The following KCND2 variants were observed in gnomAD, a reference collection of about 807,000 sequenced individuals.
The protein encoded by KCND2 is potassium voltage-gated channel subfamily D member 2.
In KCND2, 16 loss-of-function variants were observed where a neutral mutation model predicts 54.4. The ratio of observed to expected loss-of-function variants is 0.29; its 90% CI spans 0.20 to 0.45. The LOEUF (loss-of-function observed/expected upper bound fraction) is 0.45. KCND2 is among the 20% of genes least tolerant of loss of function. The pLI, the probability that KCND2 is intolerant of heterozygous loss-of-function variation, is 1.00. For missense variants in KCND2, 486 were observed against 824.2 expected (o/e 0.59, Z 5.02); for synonymous variants, 317 against 310.7 (o/e 1.02, Z -0.21).
rs528360744 is a variant in KCND2 at position 120,314,608 on chromosome 7, T to C, written c.1115+38861T>C. ...CAGACTTTAGAGGCTTAACTGGTCA[T>C]TCATACAGCTAATATATGTCAGGGC... On this transcript the variant is annotated intron_variant, in intron 1 of 5. Coordinates refer to ENST00000331113, the MANE Select transcript of KCND2 (RefSeq NM_012281.3). Among the ~76,000 whole-genome samples, 10 of 152,302 alleles carry C rather than the reference T, an allele frequency of 6.6e-5. 1 individual carries two copies. The South Asian group carries it at 1.9e-3, about 28-fold the overall frequency.
At chr7:120,535,543 ATACT>A (rs1383590551) in intron 1 of KCND2, among the ~76,000 whole-genome samples, 1 of 152,152 alleles carries the variant, frequency 6.6e-6, no homozygotes, top group Non-Finnish European at 1.5e-5. Flanking sequence ...GAGAGGTCAC[ATACT>A]TAAGAGTACA....
At chr7:120,521,524 C>T (rs913998795) in intron 1 of KCND2, among the ~76,000 whole-genome samples, 2 of 151,966 alleles carry the variant, frequency 1.3e-5, no homozygotes, top group Non-Finnish European at 2.9e-5. Flanking sequence ...CATATTAAGT[C>T]ACATTCAGCA....
At chr7:120,331,952 TCTC>T (rs1800075524) in intron 1 of KCND2, among the ~76,000 whole-genome samples, 1 of 152,082 alleles carries the variant, frequency 6.6e-6, no homozygotes. Context: ...TGTATTTTAT[TCTC>T]CTGTTCGACT....
Position 120,749,940 on chromosome 7 carries a change from T to C in KCND2, c.*2082T>C, listed in dbSNP as rs183305842. 6.6e-6 allele frequency: 1 copy of C among 152,098 alleles called. No individual in the cohort carries two copies. Among genetic ancestry groups the C allele is most frequent in the East Asian group, 1.9e-4 (1 of 5,188 alleles). The allele number at this position is 152,098 out of a possible 1,614,324, so 9.4% of individuals were successfully genotyped here. A position where few individuals can be genotyped will look rare whatever the true frequency, so the allele number is the denominator to read the frequency against. ...TTTTGATTCCCAATGAGAAGTTCTATTTTCATGTTCTTAATATTACATACA... is the reference window on the plus strand; with the variant it reads ...TTTTGATTCCCAATGAGAAGTTCTACTTTCATGTTCTTAATATTACATACA... On this transcript the variant is annotated 3_prime_UTR_variant, in exon 6 of 6. Transcript: ENST00000331113.
intron 1 of KCND2, among the ~76,000 whole-genome samples, chr7:120,585,868 C>G (rs1159275749): frequency 6.6e-6 from 1 of 152,134 alleles, no homozygotes; most frequent in Non-Finnish European, 1.5e-5. Flanking sequence ...TTCCTGGTGT[C>G]TGTGAGCCAC....
At chr7:120,459,689 C>T (rs1802255139) in intron 1 of KCND2, among the ~76,000 whole-genome samples, 1 of 152,158 alleles carries the variant, frequency 6.6e-6, no homozygotes, top group Non-Finnish European at 1.5e-5. Flanking sequence ...TAAGCGTCTA[C>T]CAGTTATGTG....
At chr7:120,524,794 A>G (rs564485783) in intron 1 of KCND2, among the ~76,000 whole-genome samples, 1 of 152,318 alleles carries the variant, frequency 6.6e-6, no homozygotes, top group African/African-American at 2.4e-5. Flanking sequence ...TTTCTTGCCA[A>G]CAAATTGTTT....
chr7:120,654,351 A>C (rs2116549934), intron 1 of KCND2, among the ~76,000 whole-genome samples: 1 of 152,366 alleles, frequency 6.6e-6, no homozygotes, highest in Non-Finnish European at 1.5e-5. Flanking sequence ...TATGAGGAGT[A>C]ATAGATACTT....
intron 1 of KCND2, among the ~76,000 whole-genome samples, chr7:120,464,662 A>G (rs897466496): frequency 5.3e-5 from 8 of 152,218 alleles, no homozygotes; most frequent in Admixed American, 6.5e-5. Context: ...CTAGAGGCTC[A>G]GGGGAAGAAT....
intron 1 of KCND2, among the ~76,000 whole-genome samples, chr7:120,386,628 T>C (rs1038205206): frequency 1.3e-5 from 2 of 152,164 alleles, no homozygotes; most frequent in East Asian, 3.9e-4. Flanking sequence ...ATTTGTGAGA[T>C]CCAGTCTTCC....
At chr7:120,339,283 C>A (rs1009862733) in intron 1 of KCND2, among the ~76,000 whole-genome samples, 3 of 151,644 alleles carry the variant, frequency 2.0e-5, no homozygotes. Context: ...TAAAATGTCC[C>A]CCATTACTGC....
intron 1 of KCND2, among the ~76,000 whole-genome samples, chr7:120,618,823 TTTTTAAATTTTTTTCAA>T (rs1793061220): frequency 6.6e-6 from 1 of 152,100 alleles, no homozygotes; most frequent in African/African-American, 2.4e-5. Context: ...TACTAAGAGA[TTTTTAAATTTTTTTCAA>T]TTTTTATTTT....
intron 1 of KCND2, among the ~76,000 whole-genome samples, chr7:120,489,494 T>C (rs1339710911): frequency 1.3e-5 from 2 of 152,210 alleles, no homozygotes; most frequent in Non-Finnish European, 2.9e-5. Flanking sequence ...ATGCTCTAAA[T>C]GAATAACTTT....
At chr7:120,671,437 A>G (rs1009067187) in intron 1 of KCND2, among the ~76,000 whole-genome samples, 1 of 152,036 alleles carries the variant, frequency 6.6e-6, no homozygotes, top group Non-Finnish European at 1.5e-5. Flanking sequence ...CCACAGACTG[A>G]TGGTGGTCTA....
intron 1 of KCND2, among the ~76,000 whole-genome samples, chr7:120,475,488 A>C (rs958139039): frequency 1.3e-5 from 2 of 151,998 alleles, no homozygotes; most frequent in African/African-American, 4.8e-5. Flanking sequence ...ACATCAAGGC[A>C]TTTTTTTTAT....
chr7:120,366,420 G>A (rs1017082219), intron 1 of KCND2, among the ~76,000 whole-genome samples: 1 of 150,844 alleles, frequency 6.6e-6, no homozygotes, highest in Non-Finnish European at 1.5e-5. Context: ...CCTGGGAGGC[G>A]GAGGTTGCAG....
intron 1 of KCND2, among the ~76,000 whole-genome samples, chr7:120,295,347 AACACACACACACACACACACACACAC>A (rs56748699): frequency 7.1e-6 from 1 of 141,400 alleles, no homozygotes; most frequent in East Asian, 2.0e-4. Flanking sequence ...GTCATAGAGT[AACACACACACACACACACACACACAC>A]ACACACACAC....
At chr7:120,356,141 A>C (rs920429256) in intron 1 of KCND2, among the ~76,000 whole-genome samples, 1 of 152,142 alleles carries the variant, frequency 6.6e-6, no homozygotes, top group African/African-American at 2.4e-5. Context: ...CCTATGTGTT[A>C]ACCTTGAATT....
intron 1 of KCND2, among the ~76,000 whole-genome samples, chr7:120,721,937 T>C (rs1486506262): frequency 1.3e-5 from 2 of 152,134 alleles, no homozygotes; most frequent in African/African-American, 4.8e-5. Context: ...TCAAGAGAGC[T>C]GATGATTTTA....
Sources: gnomAD v4.1 joint callset for allele counts (sites outside exome capture counted in the v4.1 genomes callset) on GRCh38, gnomAD v4.1.1 for gene constraint, MANE v1.5 for transcripts, NCBI Gene and HGNC (gene_info 2026-07-23, HGNC 2026-07-21) for gene names.